Variants in ANKRD27 observed in about 807,000 individuals in gnomAD.
ANKRD27 encodes ankyrin repeat domain-containing protein 27.
ANKRD27 carries 112 observed loss-of-function variants against 129.7 expected under a neutral mutation model. The observed-to-expected ratio is 0.86, with a 90% CI of 0.74 to 1.01. The LOEUF (loss-of-function observed/expected upper bound fraction) is 1.01, where lower values mean the gene tolerates loss of function less well. Ranked by LOEUF, ANKRD27 falls within the 50% of genes least tolerant of loss-of-function variation. The probability of loss-of-function intolerance (pLI) is 0.00; values close to 1 mark genes in which losing one functional copy is unlikely to be tolerated. For missense variants in ANKRD27, 1,258 were observed against 1,300.5 expected (o/e 0.97, Z 0.50); for synonymous variants, 516 against 511.2 (o/e 1.01, Z -0.13).
At chr19:32,651,779 T>A (rs1967421036) in intron 2 of ANKRD27, among the ~76,000 whole-genome samples, 1 of 152,136 alleles carries the variant, frequency 6.6e-6, no homozygotes, top group South Asian at 2.1e-4. Flanking sequence ...ATAATGCACG[T>A]CTGGCCCCAT....
Position 32,642,043 on chromosome 19 carries a change from T to C in ANKRD27, c.885A>G (p.Thr295=). The change falls in exon 10 of 29, where the codon ACA becomes ACG. Residue 295 remains threonine, a synonymous_variant. Transcript: ENST00000306065. ...VCLRKVVQLI[T]QSPSQRVNLE... ...ACAAACCTCTCTGGCTTGGAGACTG[T>C]GTAATGAGCTGCACCACTTTTCGCA... The C allele has an allele frequency of 1.2e-6, 2 of 1,606,532 alleles. No individual in the cohort carries two copies. The highest frequency in any genetic ancestry group is 2.2e-5 in the South Asian group (2 of 90,510).
chr19:32,616,132 A>G (rs928925626), intron 21 of ANKRD27, among the ~76,000 whole-genome samples: 1 of 152,074 alleles, frequency 6.6e-6, no homozygotes, highest in Non-Finnish European at 1.5e-5. Context: ...CCAGGAGTTC[A>G]AGGCTACTGT....
At chr19:32,660,166 A>G (rs1023255637) in intron 1 of ANKRD27, among the ~76,000 whole-genome samples, 2 of 152,230 alleles carry the variant, frequency 1.3e-5, no homozygotes, top group Non-Finnish European at 2.9e-5. Context: ...CCAAAAACTC[A>G]TATGTTAAAA....
At chr19:32,664,919 C>CAAAAA (rs35300883) in intron 1 of ANKRD27, among the ~76,000 whole-genome samples, 1 of 95,902 alleles carries the variant, frequency 1.0e-5, no homozygotes, top group Non-Finnish European at 2.0e-5. Flanking sequence ...GACTCTGTCT[C>CAAAAA]AAAAAAAAAA....
intron 17 of ANKRD27, 64 bp from the exon 18 acceptor site, chr19:32,622,683 C>A: frequency 1.4e-6 from 2 of 1,476,484 alleles, no homozygotes; most frequent in Non-Finnish European, 9.4e-7. Context: ...GGTCCGTGCT[C>A]TCCTCGACCT....
In ANKRD27 at chr19:32,628,757, G is replaced by C; in HGVS notation, c.1302C>G (p.Leu434=). ...GTTTCTCACAGTCATCGCAGAAGCA[G>C]AGAGGGTGACACATCTTTTGGACGG... is the stretch of plus-strand genomic sequence containing the variant. The part of the protein sequence containing the change: ...KDTVQKMCHP[L]CFCDDCEKLV... The change falls in exon 14 of 29, where the codon CTC becomes CTG. Residue 434 remains leucine (L), a synonymous_variant. Transcript: ENST00000306065. 6.2e-7 allele frequency: 1 copy of C among 1,614,166 alleles called. No individual in the cohort carries two copies. Among genetic ancestry groups the C allele is most frequent in the Non-Finnish European group, 8.5e-7 (1 of 1,180,034 alleles).
At chr19:32,657,461 C>CA (rs397859964) in intron 2 of ANKRD27, among the ~76,000 whole-genome samples, 9,455 of 98,206 alleles carry the variant, frequency 0.096, 1,152 homozygotes, top group African/African-American at 0.27. Flanking sequence ...GGCTCTGTCT[C>CA]AAAAAAAAAA....
intron 2 of ANKRD27, among the ~76,000 whole-genome samples, chr19:32,656,050 AAAAGAAAGAAAAGAAAG>A (rs1327986475): frequency 2.4e-4 from 12 of 50,606 alleles, no homozygotes; most frequent in Non-Finnish European, 5.6e-4. Flanking sequence ...GAAAAGAAAG[AAAAGAAAGAAAAGAAAG>A]AAAGAAAGAA....
intron 3 of ANKRD27, among the ~76,000 whole-genome samples, chr19:32,649,278 A>G (rs1250825797): frequency 1.3e-5 from 2 of 152,114 alleles, no homozygotes; most frequent in Admixed American, 1.3e-4. Flanking sequence ...CAGCTGAAAC[A>G]AAAAGCTTTT....
chr19:32,640,256 C>T, intron 11 of ANKRD27, 51 bp downstream of exon 11: 1 of 1,510,628 alleles, frequency 6.6e-7, no homozygotes, highest in South Asian at 1.1e-5. Flanking sequence ...AGCCACCGTG[C>T]CCGGCCAAGC....
chr19:32,650,110 C>G (rs964292842), intron 2 of ANKRD27, among the ~76,000 whole-genome samples: 8 of 152,240 alleles, frequency 5.3e-5, no homozygotes, highest in Admixed American at 3.3e-4. Context: ...TGGGTCCCCC[C>G]CAGGCTAGTG....
rs776983334 is a variant in ANKRD27 at position 32,599,953 on chromosome 19, A to G, written c.2846+19T>C. The G allele has an allele frequency of 3.7e-6, 6 of 1,603,110 alleles. No homozygotes were observed. Among genetic ancestry groups the G allele is most frequent in the Non-Finnish European group, 5.1e-6 (6 of 1,171,670 alleles). On this transcript the variant is annotated intron_variant, in intron 27 of 28. Transcript: ENST00000306065. ...ACTAGGGGCAAAAGCACAGAAATCAACTTGAGTTTCATACTCACTTAAACT... is the reference window on the plus strand; with the variant it reads ...ACTAGGGGCAAAAGCACAGAAATCAGCTTGAGTTTCATACTCACTTAAACT...
Position 32,640,248 on chromosome 19 carries a change from C to G in ANKRD27, c.983+59G>C, listed in dbSNP as rs565828226. 4.1e-5 allele frequency: 59 copies of G among 1,429,508 alleles called. No individual in the cohort carries two copies. The East Asian group carries it at 1.3e-3, about 32-fold the overall frequency. 88.6% of individuals were successfully genotyped at this position (1,429,508 alleles called of 1,614,324 possible). ...AAAGTGCTGGGATTACAGGCGTGAGCCACCGTGCCCGGCCAAGCACTGCCA... is the reference window on the plus strand; with the variant it reads ...AAAGTGCTGGGATTACAGGCGTGAGGCACCGTGCCCGGCCAAGCACTGCCA... On this transcript the variant is annotated intron_variant, in intron 11 of 28. Transcript: ENST00000306065.
chr19:32,611,634 T>G (rs1262176053), intron 22 of ANKRD27, among the ~76,000 whole-genome samples: 1 of 152,162 alleles, frequency 6.6e-6, no homozygotes, highest in African/African-American at 2.4e-5. Context: ...CAGGCTAGAG[T>G]GCAATGGCAC....
At chr19:32,650,750 A>T (rs867922920) in intron 2 of ANKRD27, among the ~76,000 whole-genome samples, 50 of 125,252 alleles carry the variant, frequency 4.0e-4, no homozygotes, top group East Asian at 9.4e-4. Flanking sequence ...TTACGCTTTT[A>T]TTTATTTTTT....
intron 1 of ANKRD27, among the ~76,000 whole-genome samples, chr19:32,661,528 A>C (rs758788860): frequency 3.7e-4 from 57 of 152,152 alleles, no homozygotes; most frequent in Non-Finnish European, 6.3e-4. Flanking sequence ...CTTTTTGTAG[A>C]GATGAGATTT....
rs1270255648 is a variant in ANKRD27 at position 32,654,764 on chromosome 19, TTTTG to T, written c.102+4146_102+4149del. The stretch of plus-strand genomic sequence containing the variant: ...CACTGCTGATCAGCACGGGAGGGTT[TTTTG>T]TTTGTTTTGTTTGTTTGTTTGTTTG... On this transcript the variant is annotated intron_variant, in intron 2 of 28. Transcript: ENST00000306065. Among the ~76,000 whole-genome samples, 19 of 152,012 alleles carry T rather than the reference TTTTG, an allele frequency of 1.2e-4. No homozygotes were observed. The East Asian group carries it at 3.1e-3, about 25-fold the overall frequency.
intron 1 of ANKRD27, 92 bp from the exon 2 acceptor site, chr19:32,659,137 TTC>T (rs199904012): frequency 0.36 from 120,067 of 334,712 alleles, 12,434 homozygotes; most frequent in African/African-American, 0.39. Context: ...CATTTTCTTT[TTC>T]TTTTTTTTTT....
chr19:32,646,321 G>A (rs571486716), intron 4 of ANKRD27, 138 bp downstream of exon 4: 292 of 725,204 alleles, frequency 4.0e-4, no homozygotes, highest in Admixed American at 1.2e-3. Context: ...CTTGTGCCTC[G>A]GCCTCCCAAA....
Sources: gnomAD v4.1 joint callset for allele counts (sites outside exome capture counted in the v4.1 genomes callset) on GRCh38, gnomAD v4.1.1 for gene constraint, MANE v1.5 for transcripts, NCBI Gene and HGNC (gene_info 2026-07-23, HGNC 2026-07-21) for gene names.